FGGY: variants seen among roughly 807,000 people sequenced by gnomAD.
FGGY encodes the protein FGGY carbohydrate kinase domain-containing protein.
In FGGY, 72 loss-of-function variants were observed where a neutral mutation model predicts 71.3. That is an observed-to-expected ratio of 1.01 (90% CI 0.84 to 1.23). The LOEUF is 1.23. FGGY is among the 50% of genes most tolerant of loss of function. The pLI, the probability that FGGY is intolerant of heterozygous loss-of-function variation, is 0.00. For missense variants in FGGY, 668 were observed against 682.3 expected (o/e 0.98, Z 0.23); for synonymous variants, 251 against 250.3 (o/e 1.00, Z -0.02).
intron 7 of FGGY, among the ~76,000 whole-genome samples, chr1:59,532,671 G>A (rs2095180689): frequency 6.6e-6 from 1 of 151,644 alleles, no homozygotes; most frequent in Non-Finnish European, 1.5e-5. Flanking sequence ...TTTGATTAAG[G>A]ATATCAACAA....
chr1:59,500,607 C>G (rs1450215788), intron 6 of FGGY, among the ~76,000 whole-genome samples: 1 of 122,470 alleles, frequency 8.2e-6, no homozygotes, highest in Non-Finnish European at 1.6e-5. Context: ...AATTAGAACT[C>G]AGATTATCCT....
chr1:59,589,103 T>A (rs960264309), intron 8 of FGGY, among the ~76,000 whole-genome samples: 4 of 152,004 alleles, frequency 2.6e-5, no homozygotes, highest in African/African-American at 9.7e-5. Context: ...AGATCTCCCA[T>A]GCAAATGGAA....
Position 59,437,629 on chromosome 1 carries a change from G to T in FGGY, c.555-19332G>T, listed in dbSNP as rs530245198. 2.6e-5 allele frequency among the ~76,000 whole-genome samples: 4 copies of T among 152,318 alleles called. No individual in the cohort carries two copies. The South Asian group carries it at 8.3e-4, about 32-fold the overall frequency. ...ATTATAAATTTACAGAATGCAGCTC[G>T]CTCTGGAGATTATATCTGGTTATAT... is the stretch of plus-strand genomic sequence containing the variant. On this transcript the variant is annotated intron_variant, in intron 5 of 15. Coordinates refer to ENST00000303721, the MANE Select transcript of FGGY (RefSeq NM_018291.5).
At chr1:59,753,381 G>A (rs974873932) in intron 14 of FGGY, among the ~76,000 whole-genome samples, 2 of 149,928 alleles carry the variant, frequency 1.3e-5, no homozygotes, top group Non-Finnish European at 3.0e-5. Flanking sequence ...TCCACGTTGT[G>A]TCAGGGACCC....
intron 5 of FGGY, among the ~76,000 whole-genome samples, chr1:59,455,951 T>C (rs371298990): frequency 1.3e-5 from 2 of 152,174 alleles, no homozygotes; most frequent in South Asian, 4.1e-4. Context: ...TAAGGGTAAA[T>C]TGAGAAATGT....
intron 4 of FGGY, among the ~76,000 whole-genome samples, chr1:59,360,130 A>ATTG (rs1557665721): frequency 7.4e-6 from 1 of 135,938 alleles, no homozygotes; most frequent in African/African-American, 3.1e-5. Flanking sequence ...TATCATTGTT[A>ATTG]TTATTATTAT....
At chr1:59,621,339 T>C (rs894425664) in intron 9 of FGGY, among the ~76,000 whole-genome samples, 1 of 151,856 alleles carries the variant, frequency 6.6e-6, no homozygotes, top group Non-Finnish European at 1.5e-5. Flanking sequence ...AAATAAACCA[T>C]AGTCTTTTGT....
chr1:59,445,135 G>A (rs759616794), intron 5 of FGGY, among the ~76,000 whole-genome samples: 5 of 152,192 alleles, frequency 3.3e-5, no homozygotes, highest in Non-Finnish European at 5.9e-5. Context: ...ATTTTTGGAA[G>A]GAGGGAGAGA....
At chr1:59,516,293 A>C (rs948460387) in intron 7 of FGGY, among the ~76,000 whole-genome samples, 2 of 152,180 alleles carry the variant, frequency 1.3e-5, no homozygotes, top group African/African-American at 2.4e-5. Context: ...ATATTAACTA[A>C]ATATAATTGA....
chr1:59,376,025 C>A (rs1049107204), intron 4 of FGGY, among the ~76,000 whole-genome samples: 2 of 151,138 alleles, frequency 1.3e-5, no homozygotes, highest in African/African-American at 4.9e-5. Flanking sequence ...GCTGCCTTTT[C>A]TCCTCTCCCT....
At chr1:59,548,982 A>AT (rs1558311793) in intron 7 of FGGY, among the ~76,000 whole-genome samples, 1 of 152,216 alleles carries the variant, frequency 6.6e-6, no homozygotes, top group Non-Finnish European at 1.5e-5. Flanking sequence ...ATGAGTCCTT[A>AT]TTTTTAAGCA....
intron 14 of FGGY, among the ~76,000 whole-genome samples, chr1:59,686,297 A>C (rs1199218673): frequency 6.6e-6 from 1 of 152,184 alleles, no homozygotes; most frequent in Non-Finnish European, 1.5e-5. Flanking sequence ...ATAGTACCTC[A>C]GTACTAAAGC....
intron 10 of FGGY, among the ~76,000 whole-genome samples, chr1:59,627,488 A>C (rs1189543495): frequency 8.4e-6 from 1 of 118,384 alleles, no homozygotes; most frequent in Non-Finnish European, 1.6e-5. Flanking sequence ...ATATATATAT[A>C]TACACACACA....
At chr1:59,370,843 G>A (rs1456381008) in intron 4 of FGGY, among the ~76,000 whole-genome samples, 1 of 151,844 alleles carries the variant, frequency 6.6e-6, no homozygotes, top group Non-Finnish European at 1.5e-5. Flanking sequence ...ATACTTTACA[G>A]ACAAGCAAAT....
chr1:59,532,754 T>A (rs1315389174), intron 7 of FGGY, among the ~76,000 whole-genome samples: 1 of 152,062 alleles, frequency 6.6e-6, no homozygotes, highest in African/African-American at 2.4e-5. Context: ...CCACGTTTAT[T>A]CCACAGGGCC....
rs539697241 is a variant in FGGY at position 59,592,786 on chromosome 1, G to A, written c.904-15017G>A. On this transcript the variant is annotated intron_variant, in intron 8 of 15. Coordinates refer to ENST00000303721, the MANE Select transcript of FGGY (RefSeq NM_018291.5). The stretch of plus-strand genomic sequence containing the variant: ...AACATCACACTCTGGGGACTGTTGT[G>A]GGGTGGGGGGACGGGGGAGGGATAG... Among the ~76,000 whole-genome samples, 8 of 142,102 alleles carry A rather than the reference G, an allele frequency of 5.6e-5. No individual in the cohort carries two copies. The South Asian group carries it at 7.5e-4, about 13-fold the overall frequency. The allele number at this position is 142,102 out of a possible 152,430, so 93.2% of individuals were successfully genotyped here. A position where few individuals can be genotyped will look rare whatever the true frequency, so the allele number is the denominator to read the frequency against.
intron 5 of FGGY, among the ~76,000 whole-genome samples, chr1:59,417,067 A>G (rs1268430249): frequency 6.6e-6 from 1 of 152,204 alleles, no homozygotes; most frequent in Non-Finnish European, 1.5e-5. Flanking sequence ...TCCGATTCCA[A>G]AACATTTTCT....
chr1:59,444,739 T>G (rs770387980), intron 5 of FGGY, among the ~76,000 whole-genome samples: 2 of 152,152 alleles, frequency 1.3e-5, no homozygotes, highest in Non-Finnish European at 2.9e-5. Context: ...GCACGCTCCT[T>G]ATGAGAATCT....
At chr1:59,629,435 T>A (rs572582302) in intron 10 of FGGY, among the ~76,000 whole-genome samples, 2 of 152,284 alleles carry the variant, frequency 1.3e-5, no homozygotes, top group South Asian at 4.1e-4. Flanking sequence ...GGCATTCCCT[T>A]CTAGGAGTCT....
Sources: allele counts gnomAD v4.1 joint callset (sites outside exome capture counted in the v4.1 genomes callset), GRCh38; gene constraint gnomAD v4.1.1; transcripts MANE v1.5; gene names NCBI Gene and HGNC (gene_info 2026-07-23, HGNC 2026-07-21).